The following NLGN1 variants were observed in gnomAD, a reference collection of about 807,000 sequenced individuals.
The protein encoded by NLGN1 is neuroligin 1.
NLGN1 carries 12 observed loss-of-function variants against 65.5 expected under a neutral mutation model. The ratio of observed to expected loss-of-function variants is 0.18; its 90% CI spans 0.12 to 0.30. The LOEUF (loss-of-function observed/expected upper bound fraction) is 0.30, where lower values mean the gene tolerates loss of function less well. NLGN1 is among the 10% of genes least tolerant of loss of function. The pLI is 1.00. For missense variants in NLGN1, 750 were observed against 1,007.1 expected (o/e 0.74, Z 3.46); for synonymous variants, 350 against 359.5 (o/e 0.97, Z 0.30).
intron 4 of NLGN1, among the ~76,000 whole-genome samples, chr3:173,980,515 C>T (rs1718542391): frequency 6.6e-6 from 1 of 151,688 alleles, no homozygotes; most frequent in Non-Finnish European, 1.5e-5. Context: ...CTATTTTTTC[C>T]TCATTATAAT....
chr3:173,828,703 G>A (rs1010741543), intron 4 of NLGN1, among the ~76,000 whole-genome samples: 2 of 152,082 alleles, frequency 1.3e-5, no homozygotes, highest in Non-Finnish European at 2.9e-5. Flanking sequence ...AGCCAGAGAA[G>A]GCTTTTGAGT....
chr3:173,854,268 T>C (rs1228335880), intron 4 of NLGN1, among the ~76,000 whole-genome samples: 2 of 152,072 alleles, frequency 1.3e-5, no homozygotes, highest in Non-Finnish European at 2.9e-5. Flanking sequence ...GTAATCATAT[T>C]TGCTACCTAA....
At chr3:174,063,237 G>T (rs569013111) in intron 4 of NLGN1, among the ~76,000 whole-genome samples, 1 of 152,212 alleles carries the variant, frequency 6.6e-6, no homozygotes, top group South Asian at 2.1e-4. Flanking sequence ...ACTGAACTCA[G>T]AATTTTATTT....
At chr3:174,041,292 A>G (rs1370426071) in intron 4 of NLGN1, among the ~76,000 whole-genome samples, 1 of 152,140 alleles carries the variant, frequency 6.6e-6, no homozygotes, top group East Asian at 1.9e-4. Context: ...TTTGAGATCT[A>G]TCTATGTTGT....
chr3:173,711,562 G>A (rs1200610500), intron 3 of NLGN1, among the ~76,000 whole-genome samples: 2 of 152,242 alleles, frequency 1.3e-5, no homozygotes, highest in East Asian at 1.9e-4. Flanking sequence ...ATGCATAAAA[G>A]CATCAAAGCT....
chr3:173,541,453 A>G (rs955725685), intron 2 of NLGN1, among the ~76,000 whole-genome samples: 3 of 152,126 alleles, frequency 2.0e-5, no homozygotes, highest in African/African-American at 4.8e-5. Context: ...GAACATTAAT[A>G]TCATTTCTTA....
At chr3:173,653,480 G>T (rs577662505) in intron 3 of NLGN1, among the ~76,000 whole-genome samples, 133 of 152,138 alleles carry the variant, frequency 8.7e-4, no homozygotes, top group African/African-American at 3.1e-3. Context: ...TGCTTTTTCT[G>T]AATTTATTGA....
chr3:173,757,967 C>T (rs937883228), intron 3 of NLGN1, among the ~76,000 whole-genome samples: 1 of 151,968 alleles, frequency 6.6e-6, no homozygotes, highest in Non-Finnish European at 1.5e-5. Context: ...TGTGTCCCCT[C>T]CCCAAATTCA....
chr3:174,030,828 C>A (rs966910509), intron 4 of NLGN1, among the ~76,000 whole-genome samples: 5 of 152,096 alleles, frequency 3.3e-5, no homozygotes, highest in Non-Finnish European at 7.4e-5. Context: ...TGCAGAATTT[C>A]CCAAAGGCTC....
At chr3:173,474,778 T>C (rs1725904620) in intron 2 of NLGN1, among the ~76,000 whole-genome samples, 1 of 152,122 alleles carries the variant, frequency 6.6e-6, no homozygotes, top group East Asian at 1.9e-4. Flanking sequence ...GCCAACATGG[T>C]GAAACCCCGT....
chr3:173,759,828 T>C (rs1467110291), intron 3 of NLGN1, among the ~76,000 whole-genome samples: 1 of 151,954 alleles, frequency 6.6e-6, no homozygotes, highest in Non-Finnish European at 1.5e-5. Context: ...TTATCTGCAT[T>C]ATTTTTATTT....
chr3:173,989,963 T>C (rs1049439325), intron 4 of NLGN1, among the ~76,000 whole-genome samples: 2 of 152,118 alleles, frequency 1.3e-5, no homozygotes, highest in African/African-American at 4.8e-5. Flanking sequence ...ACCAGCTCAC[T>C]TACAGACAGA....
intron 3 of NLGN1, among the ~76,000 whole-genome samples, chr3:173,683,714 A>C (rs1764288788): frequency 6.6e-6 from 1 of 152,218 alleles, no homozygotes; most frequent in Admixed American, 6.5e-5. Flanking sequence ...CACTTAGTTG[A>C]TACGATCAAA....
intron 4 of NLGN1, among the ~76,000 whole-genome samples, chr3:174,210,559 GC>G (rs1286384276): frequency 2.6e-5 from 4 of 152,120 alleles, no homozygotes; most frequent in African/African-American, 9.7e-5. Flanking sequence ...GAATTTAAAA[GC>G]TGCAAAAAGC....
intron 1 of NLGN1, among the ~76,000 whole-genome samples, chr3:173,427,845 AT>A (rs373746661): frequency 0.014 from 1,776 of 122,998 alleles, 26 homozygotes; most frequent in African/African-American, 0.041. Context: ...TGGAAACTCT[AT>A]TTTTTTTTTT....
intron 4 of NLGN1, among the ~76,000 whole-genome samples, chr3:174,260,605 G>A (rs1397166760): frequency 7.6e-6 from 1 of 132,166 alleles, no homozygotes; most frequent in Non-Finnish European, 1.6e-5. Context: ...AGATGAGTAG[G>A]TTGTGAAAAT....
chr3:173,711,749 C>T (rs1769028551), intron 3 of NLGN1, among the ~76,000 whole-genome samples: 1 of 152,148 alleles, frequency 6.6e-6, no homozygotes, highest in Non-Finnish European at 1.5e-5. Context: ...AATCGATCTA[C>T]TATGGTGATA....
intron 2 of NLGN1, among the ~76,000 whole-genome samples, chr3:173,468,888 A>G (rs899183680): frequency 2.0e-5 from 3 of 152,258 alleles, no homozygotes; most frequent in East Asian, 1.9e-4. Flanking sequence ...AAGCCAGTGC[A>G]TAATAGGAAA....
chr3:174,041,887 C>T lies in NLGN1; in HGVS notation c.647-233428C>T, dbSNP rs191308288. On this transcript the variant is annotated intron_variant, in intron 4 of 6. Transcript: ENST00000457714. ...TGACCAACATGGTGAAACTCTGTCT[C>T]TGCTAAAAATACAAAAATTACCTGG... Among the ~76,000 whole-genome samples the T allele has an allele frequency of 2.7e-3, 406 of 152,236 alleles. 2 individuals are homozygous for T. Among genetic ancestry groups the T allele is most frequent in the African/African-American group, 9.3e-3 (388 of 41,552 alleles).
Sources: allele counts gnomAD v4.1 joint callset (sites outside exome capture counted in the v4.1 genomes callset), GRCh38; gene constraint gnomAD v4.1.1; transcripts MANE v1.5; gene names NCBI Gene and HGNC (gene_info 2026-07-23, HGNC 2026-07-21).